The following PLB1 variants were observed in gnomAD, a reference collection of about 807,000 sequenced individuals.
The protein encoded by PLB1 is phospholipase B1, membrane-associated.
Under a neutral mutation model 227.4 loss-of-function variants are expected in PLB1, and 242 were observed. That is an observed-to-expected ratio of 1.06 (90% CI 0.96 to 1.18). The LOEUF is 1.18. Among genes scored for constraint, PLB1 ranks in the 50% most tolerant of loss-of-function variants. The probability of loss-of-function intolerance (pLI) is 0.00; values close to 1 mark genes in which losing one functional copy is unlikely to be tolerated. For synonymous variants in PLB1, 757 were observed against 682.2 expected, an observed-to-expected ratio of 1.11 and a Z score of -1.71; for missense variants, 1,858 against 1,816.3, an observed-to-expected ratio of 1.02 and a Z score of -0.42.
intron 20 of PLB1, among the ~76,000 whole-genome samples, chr2:28,567,163 C>A (rs925688485): frequency 1.3e-5 from 2 of 152,108 alleles, no homozygotes; most frequent in Admixed American, 6.5e-5. Context: ...AAAAGTGATT[C>A]AATAATCTGG....
At position 28,522,493 on chromosome 2, in the gene PLB1, C is replaced by A. The variant is rs543734326; in HGVS notation, c.243+2730C>A. On this transcript the variant is annotated intron_variant, in intron 4 of 57. Coordinates refer to ENST00000327757, the MANE Select transcript of PLB1 (RefSeq NM_153021.5). Reference sequence around the variant, plus strand: ...TGTCCCAGATAGCAGGCTGACTTTGCTACACCTGTGTGTCTGTGCACACCG... The same window carrying A: ...TGTCCCAGATAGCAGGCTGACTTTGATACACCTGTGTGTCTGTGCACACCG... 5.9e-5 allele frequency among the ~76,000 whole-genome samples: 9 copies of A among 152,312 alleles called. No homozygotes were observed. The South Asian group carries it at 1.9e-3, about 32-fold the overall frequency.
intron 9 of PLB1, among the ~76,000 whole-genome samples, chr2:28,534,217 CCATT>C (rs1356833702): frequency 6.6e-6 from 1 of 152,070 alleles, no homozygotes; most frequent in Non-Finnish European, 1.5e-5. Flanking sequence ...TTTTATTTCA[CCATT>C]TTCCTATACT....
chr2:28,584,238 C>T (rs2148274366), intron 25 of PLB1, among the ~76,000 whole-genome samples: 1 of 152,358 alleles, frequency 6.6e-6, no homozygotes, highest in Non-Finnish European at 1.5e-5. Context: ...CAGACTTGCT[C>T]TTGGAAGTTA....
chr2:28,624,766 C>A (rs1437441054), intron 49 of PLB1, among the ~76,000 whole-genome samples: 1 of 144,398 alleles, frequency 6.9e-6, no homozygotes, highest in Non-Finnish European at 1.5e-5. Flanking sequence ...GCTTGGCTTA[C>A]GAAGAAAGAG....
chr2:28,620,862 C>T lies in PLB1; in HGVS notation c.3428-17C>T. 1.9e-6 allele frequency: 3 copies of T among 1,606,712 alleles called. No homozygotes were observed. The highest frequency in any genetic ancestry group is 2.6e-6 in the Non-Finnish European group (3 of 1,173,320). ...GGCTCTCACCTGTGCTCTTCTCCTCCTCCTCCTCCTCTAAAGACATTCTGA... is the reference window on the plus strand; with the variant it reads ...GGCTCTCACCTGTGCTCTTCTCCTCTTCCTCCTCCTCTAAAGACATTCTGA... On this transcript the variant is annotated splice_polypyrimidine_tract_variant and intron_variant, in intron 48 of 57. Coordinates refer to ENST00000327757, the MANE Select transcript of PLB1 (RefSeq NM_153021.5).
At chr2:28,608,515 T>C (rs1684998469) in intron 43 of PLB1, among the ~76,000 whole-genome samples, 1 of 152,250 alleles carries the variant, frequency 6.6e-6, no homozygotes, top group African/African-American at 2.4e-5. Flanking sequence ...TCATACGTTC[T>C]GTGTGCCAGG....
chr2:28,590,036 A>T lies in PLB1; in HGVS notation c.2048A>T (p.His683Leu). 5 of 1,613,884 alleles carry T rather than the reference A, an allele frequency of 3.1e-6. No homozygotes were observed. The highest frequency in any genetic ancestry group is 4.2e-6 in the Non-Finnish European group (5 of 1,179,798). Residue 683 changes from histidine to leucine, a missense_variant, in exon 29 of 58, where the codon CAT becomes CTT. His to Leu is a moderately conservative substitution (Grantham distance 99, BLOSUM62 -3). Coordinates refer to ENST00000327757, the MANE Select transcript of PLB1 (RefSeq NM_153021.5). Reference protein sequence around the residue: ...LEPVGQKTTRHKFENKINITC... With the variant: ...LEPVGQKTTRLKFENKINITC... The stretch of plus-strand genomic sequence containing the variant: ...CCTGTTGGCCAGAAGACGACTCGTC[A>T]TAAGTTTGAAAACAAGATCAATATC...
At chr2:28,615,033 A>G (rs1685997316) in intron 44 of PLB1, among the ~76,000 whole-genome samples, 1 of 152,156 alleles carries the variant, frequency 6.6e-6, no homozygotes, top group South Asian at 2.1e-4. Flanking sequence ...CAAGGGAGGC[A>G]AATTCAGGTG....
intron 43 of PLB1, among the ~76,000 whole-genome samples, chr2:28,606,863 C>G (rs972471597): frequency 6.6e-6 from 1 of 152,110 alleles, no homozygotes; most frequent in Non-Finnish European, 1.5e-5. Context: ...AATCAGGATG[C>G]CAGGAAAATG....
chr2:28,530,360 G>C (rs1558681052), intron 8 of PLB1, among the ~76,000 whole-genome samples: 1 of 152,158 alleles, frequency 6.6e-6, no homozygotes, highest in Non-Finnish European at 1.5e-5. Context: ...CAGTTTTTCT[G>C]TTTATGAAAT....
At chr2:28,541,914 C>A in intron 13 of PLB1, 103 bp downstream of exon 13, 1 of 915,900 alleles carries the variant, frequency 1.1e-6, no homozygotes, top group South Asian at 1.5e-5. Context: ...GGGTGGATTA[C>A]TTGAGATCAG....
intron 42 of PLB1, 136 bp downstream of exon 42, chr2:28,606,084 A>G: frequency 1.4e-6 from 1 of 708,584 alleles, no homozygotes; most frequent in Non-Finnish European, 2.4e-6. Flanking sequence ...TGCAGTTGGA[A>G]ATGCGGAGTC....
chr2:28,611,152 G>C (rs1488108206), intron 43 of PLB1, among the ~76,000 whole-genome samples: 1 of 152,156 alleles, frequency 6.6e-6, no homozygotes, highest in Admixed American at 6.5e-5. Context: ...CCGGCTGCCT[G>C]TCTGCCACAA....
chr2:28,539,429 T>C (rs6746990), intron 11 of PLB1, among the ~76,000 whole-genome samples: 141,058 of 152,270 alleles, frequency 0.93, 65,584 homozygotes, highest in East Asian at 0.99. Context: ...TGGTTGATGT[T>C]GTGCCAGAGG....
chr2:28,543,261 A>G lies in PLB1; in HGVS notation c.929A>G (p.Asn310Ser). 6.2e-7 allele frequency: 1 copy of G among 1,612,260 alleles called. No homozygotes were observed. Among genetic ancestry groups the G allele is most frequent in the Non-Finnish European group, 8.5e-7 (1 of 1,179,340 alleles). ...ACCACGCTGGCCTGGCATCTCTGGAATAGGATGGTGAGTAGATGGGGCCTG... is the reference window on the plus strand; with the variant it reads ...ACCACGCTGGCCTGGCATCTCTGGAGTAGGATGGTGAGTAGATGGGGCCTG... ...DSTTLAWHLW[N>S]RMMEPAGEKD... Residue 310 changes from asparagine (N) to serine (S), a missense_variant, in exon 14 of 58, where the codon AAT becomes AGT. Physicochemically the swap from Asn to Ser is conservative, Grantham distance 46. Transcript: ENST00000327757.
intron 21 of PLB1, among the ~76,000 whole-genome samples, chr2:28,575,905 T>G (rs1678849093): frequency 6.6e-6 from 1 of 152,164 alleles, no homozygotes; most frequent in Non-Finnish European, 1.5e-5. Flanking sequence ...TTGATGGGGA[T>G]AGGATTAAAA....
chr2:28,636,017 G>GTGTGTGT (rs1689274903), intron 56 of PLB1, among the ~76,000 whole-genome samples: 1 of 124,682 alleles, frequency 8.0e-6, no homozygotes, highest in African/African-American at 2.8e-5. Context: ...ATGTATGTAT[G>GTGTGTGT]AATGTGTGTG....
Position 28,525,372 on chromosome 2 carries a change from C to A in PLB1, c.284+65C>A, listed in dbSNP as rs544432913. On this transcript the variant is annotated intron_variant, in intron 5 of 57. Coordinates refer to ENST00000327757, the MANE Select transcript of PLB1 (RefSeq NM_153021.5). ...GAGATGCTCCCATCTAATCTTCTTG[C>A]CTTATTAATGGGAAAGATTGGAGGC... 5.9e-6 allele frequency: 9 copies of A among 1,530,058 alleles called. 2 individuals are homozygous for A. In the South Asian group the frequency reaches 9.3e-5, roughly 16 times the overall value. 94.8% of individuals were successfully genotyped at this position (1,530,058 alleles called of 1,614,324 possible). A position where few individuals can be genotyped will look rare whatever the true frequency, so the allele number is the denominator to read the frequency against.
intron 47 of PLB1, 61 bp from the exon 48 acceptor site, chr2:28,620,539 A>C: frequency 6.4e-7 from 1 of 1,559,472 alleles, no homozygotes; most frequent in Non-Finnish European, 8.7e-7. Flanking sequence ...GCTTGTGCAT[A>C]TGTTGACACA....
Sources: allele counts gnomAD v4.1 joint callset (sites outside exome capture counted in the v4.1 genomes callset), GRCh38; gene constraint gnomAD v4.1.1; transcripts MANE v1.5; gene names NCBI Gene and HGNC (gene_info 2026-07-23, HGNC 2026-07-21).